The following DNM3 variants were observed in gnomAD, a reference collection of about 807,000 sequenced individuals.
DNM3 encodes dynamin 3, also known as dynamin-3.
In DNM3, 47 loss-of-function variants were observed where a neutral mutation model predicts 101.6. That is an observed-to-expected ratio of 0.46 (90% CI 0.37 to 0.59). The LOEUF (loss-of-function observed/expected upper bound fraction) is 0.59. Ranked by LOEUF, DNM3 falls within the 20% of genes least tolerant of loss-of-function variation. The pLI is 0.00. For synonymous variants in DNM3, 385 were observed against 387.9 expected, an observed-to-expected ratio of 0.99 and a Z score of 0.09; for missense variants, 849 against 1,085.7, an observed-to-expected ratio of 0.78 and a Z score of 3.06.
intron 12 of DNM3, among the ~76,000 whole-genome samples, chr1:172,082,341 TA>T (rs61417038): frequency 6.6e-6 from 1 of 150,946 alleles, no homozygotes; most frequent in African/African-American, 2.5e-5. Context: ...TTTTTTTTTT[TA>T]AACTTTGCGA....
intron 2 of DNM3, among the ~76,000 whole-genome samples, chr1:171,930,557 T>G (rs376770110): frequency 6.6e-6 from 1 of 152,136 alleles, no homozygotes; most frequent in South Asian, 2.1e-4. Flanking sequence ...AGTGGGTTCA[T>G]GAGGGAATCT....
chr1:172,086,943 A>G (rs367854974), intron 12 of DNM3, among the ~76,000 whole-genome samples: 7 of 152,168 alleles, frequency 4.6e-5, no homozygotes, highest in South Asian at 4.1e-4. Context: ...TATGGAATCT[A>G]CATCTCAAAG....
At chr1:171,957,173 C>T (rs553852215) in intron 2 of DNM3, among the ~76,000 whole-genome samples, 11 of 151,598 alleles carry the variant, frequency 7.3e-5, no homozygotes, top group Non-Finnish European at 1.3e-4. Context: ...TCTCAGAAAA[C>T]GTGTTTTTCT....
At chr1:172,416,660 C>A (rs2071434940), downstream of DNM3, among the ~76,000 whole-genome samples, 2 of 152,132 alleles carry the variant, frequency 1.3e-5, no homozygotes, top group South Asian at 4.1e-4. Flanking sequence ...TTTAATGGCC[C>A]ACCTCCCCAC....
intron 4 of DNM3, among the ~76,000 whole-genome samples, chr1:172,009,798 T>C (rs917246139): frequency 6.6e-6 from 1 of 151,796 alleles, no homozygotes; most frequent in Admixed American, 6.6e-5. Context: ...ATTAAATGTA[T>C]AACGGTAGAA....
At chr1:172,031,979 G>A (rs1160490974) in intron 4 of DNM3, among the ~76,000 whole-genome samples, 1 of 152,026 alleles carries the variant, frequency 6.6e-6, no homozygotes, top group African/African-American at 2.4e-5. Flanking sequence ...GGTTTATGAC[G>A]CACTCTCATC....
chr1:172,036,376 G>A (rs536385579), intron 6 of DNM3, among the ~76,000 whole-genome samples: 5 of 151,670 alleles, frequency 3.3e-5, no homozygotes, highest in South Asian at 4.2e-4. Context: ...TGGTGTATAC[G>A]CTACCTGACT....
At chr1:172,228,485 A>C (rs1329961220) in intron 14 of DNM3, among the ~76,000 whole-genome samples, 1 of 152,032 alleles carries the variant, frequency 6.6e-6, no homozygotes, top group Non-Finnish European at 1.5e-5. Context: ...ATTAAATTTA[A>C]ATCTTAATAT....
chr1:172,147,266 G>T (rs190837962), intron 14 of DNM3, among the ~76,000 whole-genome samples: 1 of 152,202 alleles, frequency 6.6e-6, no homozygotes, highest in East Asian at 1.9e-4. Flanking sequence ...TAAAAAGTTG[G>T]TCATTCTGCT....
chr1:172,023,978 T>G lies in DNM3; in HGVS notation c.590-8424T>G, dbSNP rs536094520. Among the ~76,000 whole-genome samples the G allele has an allele frequency of 6.1e-4, 93 of 152,148 alleles. No individual in the cohort carries two copies. In the Middle Eastern group the frequency reaches 0.014, roughly 22 times the overall value. ...CCTATTTTCAGTTATTGAGATTTTT[T>G]GCCTGGTGTTTCTGTTTATGGCCTT... On this transcript the variant is annotated intron_variant, in intron 4 of 20. Coordinates refer to ENST00000627582, the MANE Select transcript of DNM3 (RefSeq NM_015569.5).
chr1:171,847,155 T>C (rs2032242017), intron 1 of DNM3, among the ~76,000 whole-genome samples: 1 of 152,276 alleles, frequency 6.6e-6, no homozygotes, highest in African/African-American at 2.4e-5. Flanking sequence ...TATGTATGTA[T>C]AAAAAGAGAA....
intron 10 of DNM3, among the ~76,000 whole-genome samples, chr1:172,058,546 G>C (rs7513531): frequency 0.94 from 142,708 of 152,036 alleles, 67,030 homozygotes; most frequent in Non-Finnish European, 0.95. Context: ...GAATCTCACT[G>C]AAAACCCCTC....
chr1:172,277,854 A>G (rs187653007), intron 15 of DNM3, among the ~76,000 whole-genome samples: 234 of 152,260 alleles, frequency 1.5e-3, no homozygotes, highest in Non-Finnish European at 2.8e-3. Flanking sequence ...ATAAAAAAAT[A>G]TAGGCTGCAC....
At chr1:172,064,357 A>G (rs930424423) in intron 10 of DNM3, among the ~76,000 whole-genome samples, 33 of 152,320 alleles carry the variant, frequency 2.2e-4, no homozygotes, top group African/African-American at 7.7e-4. Flanking sequence ...GTGATTGACA[A>G]TTATAATGGT....
At chr1:172,391,610 T>C (rs1286028971) in intron 20 of DNM3, among the ~76,000 whole-genome samples, 2 of 152,232 alleles carry the variant, frequency 1.3e-5, no homozygotes, top group Non-Finnish European at 2.9e-5. Flanking sequence ...ATTTCCCCTC[T>C]GTGCTTTGCC....
chr1:172,226,439 G>A (rs1410711877), intron 14 of DNM3, among the ~76,000 whole-genome samples: 1 of 152,118 alleles, frequency 6.6e-6, no homozygotes, highest in African/African-American at 2.4e-5. Context: ...TTCCACATCA[G>A]GACATATTGT....
At chr1:171,945,899 G>A (rs2125432953) in intron 2 of DNM3, among the ~76,000 whole-genome samples, 1 of 152,270 alleles carries the variant, frequency 6.6e-6, no homozygotes, top group Non-Finnish European at 1.5e-5. Context: ...GGAGGATTTG[G>A]TAAGTGCAGG....
chr1:171,907,321 G>A (rs565073630), intron 1 of DNM3, among the ~76,000 whole-genome samples: 7 of 152,046 alleles, frequency 4.6e-5, no homozygotes, highest in South Asian at 2.1e-4. Context: ...GAGAAACCCC[G>A]TCTCTACTAA....
chr1:172,228,804 T>A (rs2061230669), intron 14 of DNM3, among the ~76,000 whole-genome samples: 1 of 152,090 alleles, frequency 6.6e-6, no homozygotes, highest in Non-Finnish European at 1.5e-5. Flanking sequence ...TTCTGGTAGG[T>A]TTATGACCAG....
Sources: gnomAD v4.1 joint callset for allele counts (sites outside exome capture counted in the v4.1 genomes callset) on GRCh38, gnomAD v4.1.1 for gene constraint, MANE v1.5 for transcripts, NCBI Gene and HGNC (gene_info 2026-07-23, HGNC 2026-07-21) for gene names.